PPP3CC: variants seen among roughly 807,000 people sequenced by gnomAD.
PPP3CC encodes protein phosphatase 3 catalytic subunit gamma.
Under a neutral mutation model 60.3 loss-of-function variants are expected in PPP3CC, and 35 were observed. The observed-to-expected ratio is 0.58, with a 90% CI of 0.44 to 0.77. The LOEUF (loss-of-function observed/expected upper bound fraction) is 0.77. Among genes scored for constraint, PPP3CC ranks in the 30% least tolerant of loss-of-function variants. The pLI, the probability that PPP3CC is intolerant of heterozygous loss-of-function variation, is 0.00. For missense variants in PPP3CC, 570 were observed against 628.9 expected, an observed-to-expected ratio of 0.91 and a Z score of 1.00; for synonymous variants, 206 against 224.3, an observed-to-expected ratio of 0.92 and a Z score of 0.73.
At chr8:22,502,007 A>G (rs1005414695) in intron 4 of PPP3CC, among the ~76,000 whole-genome samples, 2 of 152,176 alleles carry the variant, frequency 1.3e-5, no homozygotes, top group African/African-American at 4.8e-5. Flanking sequence ...AGCCTGGGTG[A>G]CAGAGTGAGA....
At chr8:22,478,168 T>C (rs1837954364) in intron 3 of PPP3CC, among the ~76,000 whole-genome samples, 1 of 149,990 alleles carries the variant, frequency 6.7e-6, no homozygotes, top group South Asian at 2.1e-4. Flanking sequence ...ACTTTTTTTT[T>C]TGAGATGGAG....
At chr8:22,531,373 C>T (rs968519522) in intron 10 of PPP3CC, 1 of 1,485,124 alleles carries the variant, frequency 6.7e-7, no homozygotes, top group Non-Finnish European at 9.1e-7. Context: ...TACTCTCTGT[C>T]CCACCATAGT....
chr8:22,532,116 G>C (rs1839731807), intron 10 of PPP3CC, 109 bp from the exon 11 acceptor site: 3 of 746,516 alleles, frequency 4.0e-6, no homozygotes. Context: ...CTTCATTTCT[G>C]TTTTTTAAAA....
intron 10 of PPP3CC, among the ~76,000 whole-genome samples, chr8:22,529,546 C>T (rs567468816): frequency 3.3e-5 from 5 of 152,198 alleles, no homozygotes; most frequent in African/African-American, 9.6e-5. Flanking sequence ...TGCAGTGGCG[C>T]GATCTCTGCT....
chr8:22,538,754 T>C, intron 12 of PPP3CC, among the ~76,000 whole-genome samples: 1 of 152,256 alleles, frequency 6.6e-6, no homozygotes. Context: ...AAGAGGGCTT[T>C]CTTAGTTACT....
At chr8:22,448,003 C>G (rs1490657177) in intron 1 of PPP3CC, among the ~76,000 whole-genome samples, 1 of 152,104 alleles carries the variant, frequency 6.6e-6, no homozygotes, top group Non-Finnish European at 1.5e-5. Context: ...AATGTCAGCC[C>G]AAGAGACTGA....
chr8:22,502,992 A>G (rs1312786967), intron 4 of PPP3CC, among the ~76,000 whole-genome samples: 1 of 152,158 alleles, frequency 6.6e-6, no homozygotes, highest in Non-Finnish European at 1.5e-5. Context: ...CTATAAGTGC[A>G]TGCCATCGCG....
At chr8:22,523,774 A>T (rs1160670938) in intron 8 of PPP3CC, 2 of 400,912 alleles carry the variant, frequency 5.0e-6, no homozygotes, top group Non-Finnish European at 1.0e-5. Flanking sequence ...ATCAAGCTAG[A>T]TGATACCATT....
At chr8:22,460,673 G>A (rs934065286) in intron 1 of PPP3CC, among the ~76,000 whole-genome samples, 18 of 151,884 alleles carry the variant, frequency 1.2e-4, no homozygotes, top group Non-Finnish European at 2.6e-4. Context: ...TTAAAAATTA[G>A]TCAGGTGTCA....
At chr8:22,504,553 C>T (rs1008931803) in intron 4 of PPP3CC, among the ~76,000 whole-genome samples, 2 of 152,178 alleles carry the variant, frequency 1.3e-5, no homozygotes, top group Non-Finnish European at 2.9e-5. Context: ...CCGCCTTAGC[C>T]TCCCAGAGTG....
intron 8 of PPP3CC, among the ~76,000 whole-genome samples, chr8:22,526,509 TACATTTTAGACATTCAA>T (rs1839565675): frequency 6.6e-6 from 1 of 152,222 alleles, no homozygotes; most frequent in Admixed American, 6.5e-5. Flanking sequence ...ATATATGGTG[TACATTTTAGACATTCAA>T]TAACTTAAAT....
At chr8:22,473,314 T>C (rs1586809327) in intron 1 of PPP3CC, among the ~76,000 whole-genome samples, 1 of 152,258 alleles carries the variant, frequency 6.6e-6, no homozygotes, top group South Asian at 2.1e-4. Context: ...TGTTATAAAG[T>C]AGGCACATAA....
intron 4 of PPP3CC, among the ~76,000 whole-genome samples, chr8:22,503,634 T>A (rs1021878913): frequency 1.3e-5 from 2 of 152,204 alleles, no homozygotes; most frequent in African/African-American, 4.8e-5. Flanking sequence ...TCAGGGATTT[T>A]TTTGACAGAC....
At chr8:22,511,358 C>G in intron 5 of PPP3CC, 127 bp downstream of exon 5, 4 of 1,006,730 alleles carry the variant, frequency 4.0e-6, no homozygotes, top group Non-Finnish European at 5.7e-6. Context: ...GGTGCTATCT[C>G]AGCTCACTGC....
intron 1 of PPP3CC, among the ~76,000 whole-genome samples, chr8:22,448,525 A>G (rs1452298576): frequency 1.3e-5 from 2 of 151,808 alleles, no homozygotes; most frequent in African/African-American, 4.8e-5. Flanking sequence ...GATTACAGGC[A>G]TGCACCACCG....
intron 4 of PPP3CC, among the ~76,000 whole-genome samples, chr8:22,505,950 T>C (rs953594643): frequency 2.0e-5 from 3 of 151,950 alleles, no homozygotes; most frequent in Non-Finnish European, 4.4e-5. Context: ...TGTGCAGGTT[T>C]GTTATATAGG....
chr8:22,498,154 T>C (rs1238883894), intron 4 of PPP3CC, 42 bp downstream of exon 4: 1 of 1,291,946 alleles, frequency 7.7e-7, no homozygotes, highest in Non-Finnish European at 1.1e-6. Context: ...AGTTACCCTT[T>C]AACCTGTCCG....
chr8:22,529,026 C>T (rs1839634602), intron 10 of PPP3CC, among the ~76,000 whole-genome samples: 1 of 152,142 alleles, frequency 6.6e-6, no homozygotes, highest in South Asian at 2.1e-4. Context: ...TTCTCTTAAC[C>T]AATATTTATT....
At chr8:22,490,312 G>A (rs1838362113) in intron 3 of PPP3CC, among the ~76,000 whole-genome samples, 1 of 152,154 alleles carries the variant, frequency 6.6e-6, no homozygotes, top group Non-Finnish European at 1.5e-5. Flanking sequence ...GCGTGGGGTG[G>A]AACCTGGCAA....
Sources: gnomAD v4.1 joint callset for allele counts (sites outside exome capture counted in the v4.1 genomes callset) on GRCh38, gnomAD v4.1.1 for gene constraint, MANE v1.5 for transcripts, NCBI Gene and HGNC (gene_info 2026-07-23, HGNC 2026-07-21) for gene names.